The following FBXO45 variants were observed in gnomAD, a reference collection of about 807,000 sequenced individuals.
FBXO45 encodes the protein F-box/SPRY domain-containing protein 1.
In FBXO45, 3 loss-of-function variants were observed where a neutral mutation model predicts 25.5. The observed-to-expected ratio is 0.12, with a 90% CI of 0.05 to 0.30. FBXO45 has a LOEUF of 0.30. Among genes scored for constraint, FBXO45 ranks in the 10% least tolerant of loss-of-function variants. The probability of loss-of-function intolerance (pLI) is 1.00; values close to 1 mark genes in which losing one functional copy is unlikely to be tolerated. For missense variants in FBXO45, 219 were observed against 365.0 expected (o/e 0.60, Z 3.26); for synonymous variants, 155 against 149.8 (o/e 1.03, Z -0.25).
chr3:196,583,822 AT>A (rs201506851), intron 2 of FBXO45, among the ~76,000 whole-genome samples: 2,919 of 152,110 alleles, frequency 0.019, 46 homozygotes, highest in Non-Finnish European at 0.028. Flanking sequence ...CACCCAGCTA[AT>A]TTTTGTATTT....
intron 2 of FBXO45, among the ~76,000 whole-genome samples, chr3:196,581,480 C>T (rs571897477): frequency 8.0e-4 from 122 of 152,126 alleles, no homozygotes; most frequent in African/African-American, 2.8e-3. Flanking sequence ...CCGCCCGCCT[C>T]GGCCTCCCAA....
At chr3:196,581,308 G>A (rs1553874794) in intron 2 of FBXO45, among the ~76,000 whole-genome samples, 2 of 119,858 alleles carry the variant, frequency 1.7e-5, no homozygotes, top group Non-Finnish European at 3.2e-5. Context: ...TGGGCTCACT[G>A]CAGCCACCGA....
intron 2 of FBXO45, among the ~76,000 whole-genome samples, chr3:196,582,539 T>C (rs2108729153): frequency 6.6e-6 from 1 of 152,280 alleles, no homozygotes; most frequent in South Asian, 2.1e-4. Flanking sequence ...TAAATTTTGA[T>C]TGCAAACATT....
In FBXO45 at chr3:196,569,001, CG is replaced by C; in HGVS notation, c.22del (p.Ala8LeufsTer163). ...GGTGAGGCGATGGCGGCGCCGGCCC[CG>C]GGGGCTGGGGCAGCCTCGGGCGGCG... MAAPA[P>X]GAGAASGGAG... On this transcript the variant is annotated frameshift_variant, in exon 1 of 3. Transcript: ENST00000311630. LOFTEE classifies it high-confidence loss of function. The surrounding 1 kb of genome is among the most constrained non-coding windows in gnomAD (Gnocchi z 4.1). The C allele has an allele frequency of 2.0e-6, 2 of 994,234 alleles. No homozygotes were observed. Among genetic ancestry groups the C allele is most frequent in the Non-Finnish European group, 2.4e-6 (2 of 836,856 alleles). The allele number at this position is 994,234 out of a possible 1,614,324, so 61.6% of individuals were successfully genotyped here.
chr3:196,581,162 G>C lies in FBXO45; in HGVS notation c.676-2971G>C, dbSNP rs74917083. Among the ~76,000 whole-genome samples the C allele has an allele frequency of 9.4e-3, 1,409 of 149,830 alleles. 55 individuals carry two copies. The highest frequency in any genetic ancestry group is 0.064 in the South Asian group (301 of 4,738). The stretch of plus-strand genomic sequence containing the variant: ...GCCATCTCACCTCTGCTATTGAACT[G>C]GGCTAGTAAATTTTGCTTATTGTAC... On this transcript the variant is annotated intron_variant, in intron 2 of 2. Coordinates refer to ENST00000311630, the MANE Select transcript of FBXO45 (RefSeq NM_001105573.2).
chr3:196,584,887 C>A lies in FBXO45; in HGVS notation c.*569C>A, dbSNP rs200261609. On this transcript the variant is annotated 3_prime_UTR_variant, in exon 3 of 3. Coordinates refer to ENST00000311630, the MANE Select transcript of FBXO45 (RefSeq NM_001105573.2). The surrounding 1 kb of genome is among the most constrained non-coding windows in gnomAD (Gnocchi z 4.3). ...ATAATATGTGTGTAAAAAAAAAAAA[C>A]TGTAAAAAAGAAAGGACAAACAGGT... 3.3e-5 allele frequency: 5 copies of A among 149,278 alleles called. No homozygotes were observed. The highest frequency in any genetic ancestry group is 1.2e-4 in the African/African-American group (5 of 40,574). 9.2% of individuals were successfully genotyped at this position (149,278 alleles called of 1,614,324 possible). A position where few individuals can be genotyped will look rare whatever the true frequency, so the allele number is the denominator to read the frequency against.
At chr3:196,581,141 T>C (rs2108728584) in intron 2 of FBXO45, among the ~76,000 whole-genome samples, 1 of 151,662 alleles carries the variant, frequency 6.6e-6, no homozygotes, top group East Asian at 1.9e-4. Context: ...TCTTTTGCCA[T>C]CTCACCTCTG....
At chr3:196,581,702 C>G (rs977151184) in intron 2 of FBXO45, among the ~76,000 whole-genome samples, 1 of 152,126 alleles carries the variant, frequency 6.6e-6, no homozygotes, top group Non-Finnish European at 1.5e-5. Context: ...CTTTTTTCCC[C>G]TAAATATGAA....
At position 196,569,445 on chromosome 3, in the gene FBXO45, C is replaced by T. The variant is rs1384212576; in HGVS notation, c.318+143C>T. The T allele has an allele frequency of 2.8e-6, 2 of 719,902 alleles. No homozygotes were observed. Among genetic ancestry groups the T allele is most frequent in the African/African-American group, 1.8e-5 (1 of 56,230 alleles). The allele number at this position is 719,902 out of a possible 1,614,324, so 44.6% of individuals were successfully genotyped here. A position where few individuals can be genotyped will look rare whatever the true frequency, so the allele number is the denominator to read the frequency against. On this transcript the variant is annotated intron_variant, in intron 1 of 2. Coordinates refer to ENST00000311630, the MANE Select transcript of FBXO45 (RefSeq NM_001105573.2). This position sits in a 1 kb window ranked among gnomAD's most constrained non-coding sequence, Gnocchi z 4.1. ...GCTCCAGTCAGTATCTTCCTCACCT[C>T]CCCCCAAGATAAAGATTCTCTTTTC...
intron 2 of FBXO45, among the ~76,000 whole-genome samples, chr3:196,578,969 A>C (rs1735963776): frequency 6.6e-6 from 1 of 151,982 alleles, no homozygotes; most frequent in Non-Finnish European, 1.5e-5. Flanking sequence ...TAGGCTCCTT[A>C]CCCCAGTAAA....
rs2108723948 is a variant in FBXO45, at chr3:196,569,636, T to A, written c.318+334T>A. Among the ~76,000 whole-genome samples, 1 of 152,332 alleles carries A rather than the reference T, an allele frequency of 6.6e-6. No individual in the cohort carries two copies. The highest frequency in any genetic ancestry group is 2.4e-5 in the African/African-American group (1 of 41,582). The stretch of plus-strand genomic sequence containing the variant: ...CCTCATCCTACTTTTCTCCCCGGCC[T>A]CCAGATAGACTTCATTATATTAAAT... On this transcript the variant is annotated intron_variant, in intron 1 of 2. Coordinates refer to ENST00000311630, the MANE Select transcript of FBXO45 (RefSeq NM_001105573.2). This position sits in a 1 kb window ranked among gnomAD's most constrained non-coding sequence, Gnocchi z 4.1.
intron 1 of FBXO45, among the ~76,000 whole-genome samples, chr3:196,575,681 CTTT>C (rs549432229): frequency 7.1e-6 from 1 of 141,646 alleles, no homozygotes. Context: ...TTCTTTGTTT[CTTT>C]TTTTTTTTTT....
intron 1 of FBXO45, among the ~76,000 whole-genome samples, chr3:196,570,267 T>TCCC (rs1560315646): frequency 6.7e-4 from 15 of 22,252 alleles, no homozygotes; most frequent in Non-Finnish European, 1.3e-3. Flanking sequence ...ATCCCCCCCT[T>TCCC]TTTTTTTTTT....
intron 2 of FBXO45, among the ~76,000 whole-genome samples, chr3:196,580,861 C>G (rs1342490249): frequency 6.6e-6 from 1 of 151,844 alleles, no homozygotes; most frequent in Non-Finnish European, 1.5e-5. Context: ...TCTTGGCTCA[C>G]TGAAACCTCT....
In FBXO45 at chr3:196,569,414, TC is replaced by T; in HGVS notation, c.318+114del. The T allele has an allele frequency of 9.5e-7, 1 of 1,047,408 alleles. No homozygotes were observed. Among genetic ancestry groups the T allele is most frequent in the African/African-American group, 1.6e-5 (1 of 62,630 alleles). 64.9% of individuals were successfully genotyped at this position (1,047,408 alleles called of 1,614,324 possible). On this transcript the variant is annotated intron_variant, in intron 1 of 2. Coordinates refer to ENST00000311630, the MANE Select transcript of FBXO45 (RefSeq NM_001105573.2). This position sits in a 1 kb window ranked among gnomAD's most constrained non-coding sequence, Gnocchi z 4.1. The stretch of plus-strand genomic sequence containing the variant: ...AAGCTTCGCCTCACCAGCCCGCCTT[TC>T]CACGGCTCCAGTCAGTATCTTCCTC...
At position 196,586,265 on chromosome 3, in the gene FBXO45, C is replaced by T. The variant is rs935749367; in HGVS notation, c.*1947C>T. The T allele has an allele frequency of 1.1e-4, 17 of 152,084 alleles. No individual in the cohort carries two copies. Among genetic ancestry groups the T allele is most frequent in the African/African-American group, 4.1e-4 (17 of 41,408 alleles). 9.4% of individuals were successfully genotyped at this position (152,084 alleles called of 1,614,324 possible). A position where few individuals can be genotyped will look rare whatever the true frequency, so the allele number is the denominator to read the frequency against. On this transcript the variant is annotated 3_prime_UTR_variant, in exon 3 of 3. Coordinates refer to ENST00000311630, the MANE Select transcript of FBXO45 (RefSeq NM_001105573.2). ...GTTTCTTTTTCAGGTTGTGATGTGG[C>T]CATTCCGAATTTTGTTGAGAGTTTG...
intron 2 of FBXO45, among the ~76,000 whole-genome samples, chr3:196,582,622 T>C (rs2108729196): frequency 6.8e-6 from 1 of 148,056 alleles, no homozygotes; most frequent in Non-Finnish European, 1.5e-5. Context: ...GAAACATCCT[T>C]TTTTTTTTTT....
chr3:196,588,500 C>T lies in FBXO45; in HGVS notation c.*4182C>T, dbSNP rs1157155134. 1 of 152,242 alleles carries T rather than the reference C, an allele frequency of 6.6e-6. No individual in the cohort carries two copies. Among genetic ancestry groups the T allele is most frequent in the Non-Finnish European group, 1.5e-5 (1 of 68,044 alleles). The allele number at this position is 152,242 out of a possible 1,614,324, so 9.4% of individuals were successfully genotyped here. A position where few individuals can be genotyped will look rare whatever the true frequency, so the allele number is the denominator to read the frequency against. ...TATTAGGAACAGCCCACACCCAGCC[C>T]AAATGCTGTCCTCAAAAACATTCCT... On this transcript the variant is annotated 3_prime_UTR_variant, in exon 3 of 3. Transcript: ENST00000311630. The surrounding 1 kb of genome is among the most constrained non-coding windows in gnomAD (Gnocchi z 4.2).
In FBXO45 at chr3:196,584,134, T is replaced by C; in HGVS notation, c.677T>C (p.Ile226Thr). The change falls in exon 3 of 3, where the codon ATA becomes ACA. Residue 226 changes from isoleucine to threonine, a missense_variant and splice_region_variant. This residue lies in a region of FBXO45 where 34 missense variants were observed against 48.2 expected (regional missense o/e 0.70). Transcript: ENST00000311630. The surrounding 1 kb of genome is among the most constrained non-coding windows in gnomAD (Gnocchi z 4.3). ...PQCNNAPKYQ[I>T]GERIRVILDM... ...TAACCTTTTGATATCTGTTTGCAGA[T>C]AGGAGAAAGAATTCGAGTCATCTTG... 6.2e-7 allele frequency: 1 copy of C among 1,613,642 alleles called. No homozygotes were observed. Among genetic ancestry groups the C allele is most frequent in the Non-Finnish European group, 8.5e-7 (1 of 1,179,804 alleles).
Sources: allele counts gnomAD v4.1 joint callset (sites outside exome capture counted in the v4.1 genomes callset), GRCh38; gene constraint gnomAD v4.1.1; regional missense constraint gnomAD v4.1.1; non-coding constraint Gnocchi (gnomAD v3.1); transcripts MANE v1.5; gene names NCBI Gene and HGNC (gene_info 2026-07-23, HGNC 2026-07-21).